Variants in IL11 observed in about 807,000 individuals in gnomAD.
IL11 encodes interleukin 11, also known as interleukin-11.
Under a neutral mutation model 18.1 loss-of-function variants are expected in IL11, and 17 were observed. The ratio of observed to expected loss-of-function variants is 0.94; its 90% CI spans 0.64 to 1.41. The LOEUF (loss-of-function observed/expected upper bound fraction) is 1.41. IL11 is among the 40% of genes most tolerant of loss of function. The pLI, the probability that IL11 is intolerant of heterozygous loss-of-function variation, is 0.00. For synonymous variants in IL11, 144 were observed against 134.1 expected (o/e 1.07, Z -0.51); for missense variants, 309 against 262.8 (o/e 1.18, Z -1.22).
At position 55,366,068 on chromosome 19, in the gene IL11, C is replaced by A. The variant is rs749026700; in HGVS notation, c.539G>T (p.Gly180Val). The change falls in exon 5 of 5, where the codon GGG becomes GTG. Residue 180 changes from glycine (G) to valine (V), a missense_variant. Gly to Val is a moderately radical substitution (Grantham distance 109). Transcript: ENST00000264563. This position sits in a 1 kb window ranked among gnomAD's most constrained non-coding sequence, Gnocchi z 4.6. ...GGCCCAGTCAAGTGTCAGGTGCAGC[C>A]CCCCCAGGATGGCGTGGGCGGCCCT... ...GIRAAHAILG[G>V]LHLTLDWAVR... is the part of the protein sequence containing the mutation. 22 of 1,599,578 alleles carry A rather than the reference C, an allele frequency of 1.4e-5. No individual in the cohort carries two copies. Among genetic ancestry groups the A allele is most frequent in the East Asian group, 4.5e-5 (2 of 44,362 alleles).
At position 55,368,312 on chromosome 19, in the gene IL11, C is replaced by G. The variant is rs2089798618; in HGVS notation, c.327G>C (p.Gln109His). 6.3e-7 allele frequency: 1 copy of G among 1,592,234 alleles called. No individual in the cohort carries two copies. The highest frequency in any genetic ancestry group is 8.6e-7 in the Non-Finnish European group (1 of 1,168,652). ...ADLLSYLRHVQWLRRAGGSSL... is the reference protein window; with the variant it reads ...ADLLSYLRHVHWLRRAGGSSL... Reference sequence around the variant, plus strand: ...AAGAGCCACCTGCCCGGCGCAGCCACTGCACGTGCCGCAGGTAGGACAGTA... The same window carrying G: ...AAGAGCCACCTGCCCGGCGCAGCCAGTGCACGTGCCGCAGGTAGGACAGTA... The change falls in exon 4 of 5, where the codon CAG becomes CAC. Residue 109 changes from glutamine (Q) to histidine (H), a missense_variant. Coordinates refer to ENST00000264563, the MANE Select transcript of IL11 (RefSeq NM_000641.4).
At position 55,368,120 on chromosome 19, in the gene IL11, C is replaced by T. The variant is rs4252549; in HGVS notation, c.429+90G>A. On this transcript the variant is annotated intron_variant, in intron 4 of 4. Transcript: ENST00000264563. ...CAGAGCGGGGCTGTTGCACTCGGGT[C>T]TGGGGTCTCAGGCTTCAAGGACTCA... 1,332 of 1,188,958 alleles carry T rather than the reference C, an allele frequency of 1.1e-3. 9 individuals are homozygous for T. The African/African-American group carries it at 0.018, about 16-fold the overall frequency. The allele number at this position is 1,188,958 out of a possible 1,614,324, so 73.7% of individuals were successfully genotyped here. A position where few individuals can be genotyped will look rare whatever the true frequency, so the allele number is the denominator to read the frequency against.
Position 55,369,862 on chromosome 19 carries a change from T to C in IL11, c.7+442A>G, listed in dbSNP as rs1293684655. Among the ~76,000 whole-genome samples, 1 of 151,242 alleles carries C rather than the reference T, an allele frequency of 6.6e-6. No individual in the cohort carries two copies. Among genetic ancestry groups the C allele is most frequent in the Non-Finnish European group, 1.5e-5 (1 of 67,744 alleles). On this transcript the variant is annotated intron_variant, in intron 1 of 4. Transcript: ENST00000264563. The surrounding 1 kb of genome is among the most constrained non-coding windows in gnomAD (Gnocchi z 6.1). ...GCCCAGTCTCTCTCCTCCCCCCGGC[T>C]GGGGTCGCTACTCCCTGGCTTGCTC...
intron 1 of IL11, 27 bp from the exon 2 acceptor site, chr19:55,368,968 C>T (rs1240305712): frequency 1.4e-6 from 2 of 1,465,938 alleles, no homozygotes; most frequent in Non-Finnish European, 1.8e-6. Context: ...GCAGAGAGCT[C>T]AGGCTGGACT....
chr19:55,368,819 G>A lies in IL11; in HGVS notation c.130C>T (p.Leu44Phe). 2.5e-6 allele frequency: 4 copies of A among 1,593,146 alleles called. No homozygotes were observed. Among genetic ancestry groups the A allele is most frequent in the Non-Finnish European group, 3.4e-6 (4 of 1,170,724 alleles). ...DPRAELDSTV[L>F]LTRSLLADTR... Reference sequence around the variant, plus strand: ...TCCGCCAGGAGAGAGCGGGTCAGGAGCACGGTGCTGTCCAGCTCGGCCCGA... The same window carrying A: ...TCCGCCAGGAGAGAGCGGGTCAGGAACACGGTGCTGTCCAGCTCGGCCCGA... The change falls in exon 2 of 5, where the codon CTC becomes TTC. Residue 44 changes from leucine (L) to phenylalanine (F), a missense_variant. Coordinates refer to ENST00000264563, the MANE Select transcript of IL11 (RefSeq NM_000641.4).
At chr19:55,368,454 T>C in intron 3 of IL11, 29 bp downstream of exon 3, 1 of 1,585,272 alleles carries the variant, frequency 6.3e-7, no homozygotes, top group Admixed American at 1.7e-5. Flanking sequence ...GCCTCCCACC[T>C]TGTCCCCAGC....
In IL11 at chr19:55,366,184, G is replaced by A. The variant is rs1418130700; in HGVS notation, c.430-7C>T. 2.0e-6 allele frequency: 3 copies of A among 1,479,996 alleles called. No individual in the cohort carries two copies. The highest frequency in any genetic ancestry group is 1.4e-5 in the African/African-American group (1 of 69,914). The allele number at this position is 1,479,996 out of a possible 1,614,324, so 91.7% of individuals were successfully genotyped here. ...GCAGGGCCAGGCGGGACATCTGTGG[G>A]GAGAGGAGAGAGGTGAGTCACAGGT... On this transcript the variant is annotated splice_region_variant and splice_polypyrimidine_tract_variant and intron_variant, in intron 4 of 4. Coordinates refer to ENST00000264563, the MANE Select transcript of IL11 (RefSeq NM_000641.4). This position sits in a 1 kb window ranked among gnomAD's most constrained non-coding sequence, Gnocchi z 4.6.
In IL11 at chr19:55,366,748, G is replaced by C. The variant is rs1390907108; in HGVS notation, c.430-571C>G. On this transcript the variant is annotated intron_variant, in intron 4 of 4. Transcript: ENST00000264563. The surrounding 1 kb of genome is among the most constrained non-coding windows in gnomAD (Gnocchi z 4.6). ...AATCGCTTGAGCCCAGGAGGCGGAG[G>C]TTCCAGCGAGCCGAAATGGCACCAT... Among the ~76,000 whole-genome samples the C allele has an allele frequency of 6.6e-6, 1 of 152,182 alleles. No homozygotes were observed. Among genetic ancestry groups the C allele is most frequent in the East Asian group, 1.9e-4 (1 of 5,174 alleles).
In IL11 at chr19:55,369,271, C is replaced by A. The variant is rs1385078163; in HGVS notation, c.8-330G>T. The A allele has an allele frequency of 1.0e-5, 2 of 198,168 alleles. No homozygotes were observed. Among genetic ancestry groups the A allele is most frequent in the Non-Finnish European group, 2.0e-5 (2 of 97,938 alleles). The allele number at this position is 198,168 out of a possible 1,614,324, so 12.3% of individuals were successfully genotyped here. On this transcript the variant is annotated intron_variant, in intron 1 of 4. Transcript: ENST00000264563. This position sits in a 1 kb window ranked among gnomAD's most constrained non-coding sequence, Gnocchi z 6.1. Reference sequence around the variant, plus strand: ...CTCTCCCTCCCTGGCTCTGGCTGCCCCGCCCGTCGGAGCAGACGCGGCCCG... The same window carrying A: ...CTCTCCCTCCCTGGCTCTGGCTGCCACGCCCGTCGGAGCAGACGCGGCCCG...
At position 55,368,112 on chromosome 19, in the gene IL11, A is replaced by T. The variant is rs2089796823; in HGVS notation, c.429+98T>A. On this transcript the variant is annotated intron_variant, in intron 4 of 4. Transcript: ENST00000264563. ...CAGGGTCTCAGAGCGGGGCTGTTGCACTCGGGTCTGGGGTCTCAGGCTTCA... is the reference window on the plus strand; with the variant it reads ...CAGGGTCTCAGAGCGGGGCTGTTGCTCTCGGGTCTGGGGTCTCAGGCTTCA... 6 of 1,077,502 alleles carry T rather than the reference A, an allele frequency of 5.6e-6. No individual in the cohort carries two copies. In the East Asian group the frequency reaches 7.8e-5, roughly 14 times the overall value. The allele number at this position is 1,077,502 out of a possible 1,614,324, so 66.7% of individuals were successfully genotyped here.
rs879576956 is a variant in IL11, at chr19:55,366,095, A to G, written c.512T>C (p.Ile171Thr). ...CCCCAGGATGGCGTGGGCGGCCCTG[A>G]TGCCCCCCCAGGCTGAGGAGGGGGG... Reference protein sequence around the residue: ...LAPPSSAWGGIRAAHAILGGL... With the variant: ...LAPPSSAWGGTRAAHAILGGL... The change falls in exon 5 of 5, where the codon ATC becomes ACC. Residue 171 changes from isoleucine to threonine, a missense_variant. By Grantham distance (89) the Ile-to-Thr change is moderately conservative. Coordinates refer to ENST00000264563, the MANE Select transcript of IL11 (RefSeq NM_000641.4). This position sits in a 1 kb window ranked among gnomAD's most constrained non-coding sequence, Gnocchi z 4.6. 4 of 1,577,814 alleles carry G rather than the reference A, an allele frequency of 2.5e-6. No homozygotes were observed. The highest frequency in any genetic ancestry group is 1.8e-5 in the Admixed American group (1 of 55,276).
chr19:55,365,823 C>G lies in IL11; in HGVS notation c.*184G>C. 1.0e-6 allele frequency: 1 copy of G among 977,956 alleles called. No homozygotes were observed. Among genetic ancestry groups the G allele is most frequent in the Non-Finnish European group, 1.5e-6 (1 of 688,054 alleles). The allele number at this position is 977,956 out of a possible 1,614,324, so 60.6% of individuals were successfully genotyped here. A position where few individuals can be genotyped will look rare whatever the true frequency, so the allele number is the denominator to read the frequency against. On this transcript the variant is annotated 3_prime_UTR_variant, in exon 5 of 5. Transcript: ENST00000264563. ...CCCAGGAGTCCACCTGCCTCCCACCCCTGCTCCTGAAATAAATAAGTATAA... is the reference window on the plus strand; with the variant it reads ...CCCAGGAGTCCACCTGCCTCCCACCGCTGCTCCTGAAATAAATAAGTATAA...
rs1236705570 is a variant in IL11, at chr19:55,369,778, T to G, written c.7+526A>C. Among the ~76,000 whole-genome samples the G allele has an allele frequency of 6.9e-6, 1 of 145,794 alleles. No individual in the cohort carries two copies. Among genetic ancestry groups the G allele is most frequent in the Non-Finnish European group, 1.5e-5 (1 of 66,200 alleles). The stretch of plus-strand genomic sequence containing the variant: ...GCCCGCCCCCCGGGCCCGCCAGCCG[T>G]CGGTCTGTCCGCGCCTCCGTCGGCC... On this transcript the variant is annotated intron_variant, in intron 1 of 4. Transcript: ENST00000264563. This position sits in a 1 kb window ranked among gnomAD's most constrained non-coding sequence, Gnocchi z 6.1.
In IL11 at chr19:55,369,184, T is replaced by G. The variant is rs1314022837; in HGVS notation, c.8-243A>C. The G allele has an allele frequency of 2.6e-6, 1 of 383,456 alleles. No individual in the cohort carries two copies. Among genetic ancestry groups the G allele is most frequent in the Non-Finnish European group, 4.7e-6 (1 of 213,830 alleles). 23.8% of individuals were successfully genotyped at this position (383,456 alleles called of 1,614,324 possible). Reference sequence around the variant, plus strand: ...CTCCCGGCCTTAGGGAGGATGGAGCTGGAGGTCTTAAGTCCCAGGGTGGAA... The same window carrying G: ...CTCCCGGCCTTAGGGAGGATGGAGCGGGAGGTCTTAAGTCCCAGGGTGGAA... On this transcript the variant is annotated intron_variant, in intron 1 of 4. Transcript: ENST00000264563. This position sits in a 1 kb window ranked among gnomAD's most constrained non-coding sequence, Gnocchi z 6.1.
Position 55,369,050 on chromosome 19 carries a change from C to A in IL11, c.8-109G>T, listed in dbSNP as rs942649210. The A allele has an allele frequency of 2.9e-6, 3 of 1,020,718 alleles. No individual in the cohort carries two copies. The highest frequency in any genetic ancestry group is 4.2e-6 in the Non-Finnish European group (3 of 719,722). The allele number at this position is 1,020,718 out of a possible 1,614,324, so 63.2% of individuals were successfully genotyped here. A position where few individuals can be genotyped will look rare whatever the true frequency, so the allele number is the denominator to read the frequency against. On this transcript the variant is annotated intron_variant, in intron 1 of 4. Transcript: ENST00000264563. The surrounding 1 kb of genome is among the most constrained non-coding windows in gnomAD (Gnocchi z 6.1). The stretch of plus-strand genomic sequence containing the variant: ...GGAGGAGGAACTGGGGTCTGGACTC[C>A]TCCTGGGTCTGAGGGAGGAGAGGCT...
intron 2 of IL11, 23 bp from the exon 3 acceptor site, chr19:55,368,592 G>A (rs1287232770): frequency 1.3e-6 from 2 of 1,591,708 alleles, no homozygotes; most frequent in Non-Finnish European, 1.7e-6. Flanking sequence ...AAAGCTGTGA[G>A]GTGGCCCCTG....
At position 55,368,384 on chromosome 19, in the gene IL11, C is replaced by T; in HGVS notation, c.268-13G>A. On this transcript the variant is annotated splice_polypyrimidine_tract_variant and intron_variant, in intron 3 of 4. Coordinates refer to ENST00000264563, the MANE Select transcript of IL11 (RefSeq NM_000641.4). ...GCACACCTGGGAGCTGGGGATAGAG[C>T]CGGGACATCAGAGAACACCCGACCA... 1 of 1,591,360 alleles carries T rather than the reference C, an allele frequency of 6.3e-7. No homozygotes were observed. Among genetic ancestry groups the T allele is most frequent in the South Asian group, 1.1e-5 (1 of 89,400 alleles).
rs989518511 is a variant in IL11, at chr19:55,369,020, C to A, written c.8-79G>T. On this transcript the variant is annotated intron_variant, in intron 1 of 4. Coordinates refer to ENST00000264563, the MANE Select transcript of IL11 (RefSeq NM_000641.4). The surrounding 1 kb of genome is among the most constrained non-coding windows in gnomAD (Gnocchi z 6.1). ...AGGGCCTGGGCCTGGACTCCCGGGT[C>A]TGAGGGAGGAGGAACTGGGGTCTGG... 2 of 1,294,084 alleles carry A rather than the reference C, an allele frequency of 1.5e-6. No individual in the cohort carries two copies. The highest frequency in any genetic ancestry group is 1.6e-5 in the South Asian group (1 of 64,354). 80.2% of individuals were successfully genotyped at this position (1,294,084 alleles called of 1,614,324 possible). A position where few individuals can be genotyped will look rare whatever the true frequency, so the allele number is the denominator to read the frequency against.
Position 55,369,643 on chromosome 19 carries a change from G to A in IL11, c.7+661C>T, listed in dbSNP as rs1386925930. Among the ~76,000 whole-genome samples the A allele has an allele frequency of 2.5e-5, 3 of 120,018 alleles. No individual in the cohort carries two copies. Among genetic ancestry groups the A allele is most frequent in the African/African-American group, 4.2e-5 (1 of 23,876 alleles). The allele number at this position is 120,018 out of a possible 152,430, so 78.7% of individuals were successfully genotyped here. ...GCGGGGGGCGCGGGGGGCGCGGGGGGCGCGGGGGTCCGGAGCTCGCTCCCC... is the reference window on the plus strand; with the variant it reads ...GCGGGGGGCGCGGGGGGCGCGGGGGACGCGGGGGTCCGGAGCTCGCTCCCC... On this transcript the variant is annotated intron_variant, in intron 1 of 4. Transcript: ENST00000264563. The surrounding 1 kb of genome is among the most constrained non-coding windows in gnomAD (Gnocchi z 6.1).
Sources: gnomAD v4.1 joint callset for allele counts (sites outside exome capture counted in the v4.1 genomes callset) on GRCh38, gnomAD v4.1.1 for gene constraint, Gnocchi (gnomAD v3.1) non-coding constraint, MANE v1.5 for transcripts, NCBI Gene and HGNC (gene_info 2026-07-23, HGNC 2026-07-21) for gene names.